Variants in RIPOR2 observed in about 807,000 individuals in gnomAD.
RIPOR2 encodes RHO family interacting cell polarization regulator 2.
Under a neutral mutation model 114.5 loss-of-function variants are expected in RIPOR2, and 39 were observed. That is an observed-to-expected ratio of 0.34 (90% confidence interval 0.26 to 0.44). RIPOR2 has a LOEUF of 0.44. Among genes scored for constraint, RIPOR2 ranks in the 20% least tolerant of loss-of-function variants. The pLI, the probability that RIPOR2 is intolerant of heterozygous loss-of-function variation, is 1.00. For synonymous variants in RIPOR2, 445 were observed against 484.4 expected (o/e 0.92, Z 1.07); for missense variants, 1,007 against 1,255.1 (o/e 0.80, Z 2.99).
chr6:24,935,589 A>G (rs1334373035), intron 1 of RIPOR2, among the ~76,000 whole-genome samples: 1 of 152,220 alleles, frequency 6.6e-6, no homozygotes, highest in African/African-American at 2.4e-5. Flanking sequence ...AGCCTAAACT[A>G]AACCTTTATT....
Position 24,827,837 on chromosome 6 carries a change from C to T in RIPOR2, c.2665+300G>A, listed in dbSNP as rs530490814. Among the ~76,000 whole-genome samples the T allele has an allele frequency of 9.2e-5, 14 of 152,240 alleles. No homozygotes were observed. In the East Asian group the frequency reaches 1.9e-3, roughly 21 times the overall value. ...AATAGTATTGCCTGTAGGATTGATC[C>T]GACTAATGGCAAATACATTACTGAA... is the stretch of plus-strand genomic sequence containing the variant. On this transcript the variant is annotated intron_variant, in intron 18 of 21. Transcript: ENST00000643898.
chr6:24,936,540 T>C (rs1222697411), upstream of RIPOR2, among the ~76,000 whole-genome samples: 4 of 152,216 alleles, frequency 2.6e-5, no homozygotes, highest in Non-Finnish European at 5.9e-5. Flanking sequence ...ATTAAATCTA[T>C]AGTCAATGAA....
intron 13 of RIPOR2, chr6:24,840,568 C>T: frequency 6.8e-7 from 1 of 1,465,918 alleles, no homozygotes; most frequent in African/African-American, 1.4e-5. Flanking sequence ...AAATGTCCTC[C>T]ATCCAGTTAG....
intron 1 of RIPOR2, among the ~76,000 whole-genome samples, chr6:25,017,959 C>G (rs1776096492): frequency 6.6e-6 from 1 of 152,220 alleles, no homozygotes; most frequent in Non-Finnish European, 1.5e-5. Context: ...AAACACGTTT[C>G]TGCTTAAAAT....
At chr6:24,993,937 T>C (rs2113626435) in intron 1 of RIPOR2, among the ~76,000 whole-genome samples, 1 of 152,356 alleles carries the variant, frequency 6.6e-6, no homozygotes, top group South Asian at 2.1e-4. Flanking sequence ...TTTTAAAATC[T>C]CATTAAATTT....
intron 1 of RIPOR2, chr6:24,947,969 G>C (rs1392417779): frequency 6.6e-6 from 1 of 151,868 alleles, no homozygotes; most frequent in East Asian, 1.9e-4. Flanking sequence ...TTAGTTCCCT[G>C]GTCCTATACA....
chr6:24,991,959 G>A (rs962642755), intron 1 of RIPOR2, among the ~76,000 whole-genome samples: 3 of 152,042 alleles, frequency 2.0e-5, no homozygotes, highest in Non-Finnish European at 2.9e-5. Flanking sequence ...AGTTCACCAC[G>A]TGGACTCAGA....
upstream of RIPOR2, among the ~76,000 whole-genome samples, chr6:24,938,003 T>C (rs1249558171): frequency 2.0e-5 from 3 of 152,084 alleles, no homozygotes; most frequent in East Asian, 5.8e-4. Flanking sequence ...TAGCATAACC[T>C]CTGTAGGCCT....
intron 1 of RIPOR2, chr6:24,911,064 G>C (rs1769524199): frequency 1.2e-6 from 1 of 817,546 alleles, no homozygotes; most frequent in Non-Finnish European, 1.5e-6. Context: ...TGCGGGGCTG[G>C]CGGGCGCGAG....
chr6:24,913,186 C>T (rs1298091297), intron 1 of RIPOR2, among the ~76,000 whole-genome samples: 3 of 149,494 alleles, frequency 2.0e-5, no homozygotes, highest in Admixed American at 1.3e-4. Flanking sequence ...TGTATGTGCA[C>T]ATACAGAGCA....
chr6:24,967,099 G>A (rs921645081), intron 1 of RIPOR2, among the ~76,000 whole-genome samples: 1 of 152,174 alleles, frequency 6.6e-6, no homozygotes, highest in Non-Finnish European at 1.5e-5. Context: ...TTGGGAACTG[G>A]TACATAATTA....
intron 1 of RIPOR2, among the ~76,000 whole-genome samples, chr6:24,930,061 C>A (rs216263): frequency 1.3e-5 from 2 of 152,118 alleles, no homozygotes; most frequent in Non-Finnish European, 2.9e-5. Context: ...GGTGATAGAG[C>A]GAGAGCCTGT....
At chr6:24,975,813 T>A (rs1042726468) in intron 1 of RIPOR2, among the ~76,000 whole-genome samples, 1 of 152,126 alleles carries the variant, frequency 6.6e-6, no homozygotes, top group Non-Finnish European at 1.5e-5. Flanking sequence ...TATTGAAACA[T>A]CACTTTGTAC....
intron 1 of RIPOR2, among the ~76,000 whole-genome samples, chr6:25,007,770 A>G (rs1029194122): frequency 1.3e-5 from 2 of 151,696 alleles, no homozygotes; most frequent in African/African-American, 2.4e-5. Context: ...ATCCATGCCC[A>G]GGCTTTTCTC....
At chr6:24,940,945 C>T (rs149736816), upstream of RIPOR2, among the ~76,000 whole-genome samples, 473 of 152,274 alleles carry the variant, frequency 3.1e-3, 4 homozygotes, top group African/African-American at 0.01. Flanking sequence ...TGAGCCACTG[C>T]GCCTGGCTGG....
At chr6:24,884,334 G>A (rs1345819741) in intron 1 of RIPOR2, among the ~76,000 whole-genome samples, 2 of 152,150 alleles carry the variant, frequency 1.3e-5, no homozygotes, top group South Asian at 2.1e-4. Context: ...GCGTGAATCC[G>A]GGAGGTGGGG....
chr6:24,947,839 T>C (rs1160755367), intron 1 of RIPOR2: 1 of 152,208 alleles, frequency 6.6e-6, no homozygotes, highest in Non-Finnish European at 1.5e-5. Context: ...CAACTTTTAA[T>C]GTATAAGTTA....
chr6:24,946,535 T>C (rs1042951352), intron 1 of RIPOR2, among the ~76,000 whole-genome samples: 4 of 151,852 alleles, frequency 2.6e-5, no homozygotes, highest in Admixed American at 6.6e-5. Context: ...ATCGCACCAC[T>C]GCACTCCAAC....
intron 1 of RIPOR2, among the ~76,000 whole-genome samples, chr6:24,879,862 C>T (rs7760221): frequency 0.09 from 13,702 of 152,224 alleles, 746 homozygotes; most frequent in African/African-American, 0.16. Flanking sequence ...TCCTAGAAGT[C>T]CCAAAGACCT....
Sources: allele counts gnomAD v4.1 joint callset (sites outside exome capture counted in the v4.1 genomes callset), GRCh38; gene constraint gnomAD v4.1.1; transcripts MANE v1.5; gene names NCBI Gene and HGNC (gene_info 2026-07-23, HGNC 2026-07-21).